CALML3: variants seen among roughly 807,000 people sequenced by gnomAD.
The protein encoded by CALML3 is calmodulin-like protein 3.
For synonymous variants in CALML3, 98 were observed against 89.9 expected, an observed-to-expected ratio of 1.09 and a Z score of -0.51; for missense variants, 198 against 214.1, an observed-to-expected ratio of 0.92 and a Z score of 0.47.
rs1274355132 is a variant in CALML3, at chr10:5,525,538, C to T, written c.*3C>T. ...TCCGTGTGCTGGTGTCCAAGTGAGG[C>T]CGGCGCCCACCATGCTCCTGGGCGC... On this transcript the variant is annotated 3_prime_UTR_variant, in exon 1 of 1. Transcript: ENST00000315238. 2 of 1,579,038 alleles carry T rather than the reference C, an allele frequency of 1.3e-6. No individual in the cohort carries two copies. Among genetic ancestry groups the T allele is most frequent in the Non-Finnish European group, 1.7e-6 (2 of 1,159,248 alleles).
In CALML3 at chr10:5,525,280, CTTCCCCGAG is replaced by C; in HGVS notation, c.200_208del (p.Pro67_Phe69del). The C allele has an allele frequency of 6.2e-7, 1 of 1,614,016 alleles. No homozygotes were observed. Among genetic ancestry groups the C allele is most frequent in the African/African-American group, 1.3e-5 (1 of 75,048 alleles). On this transcript the variant is annotated inframe_deletion, in exon 1 of 1. Transcript: ENST00000315238. ...ACCGGGACGGCAACGGCACCGTGGA[CTTCCCCGAG>C]TTCCTGGGCATGATGGCCAGGAAGA...
rs1397177444 is a variant in CALML3 at position 5,525,045 on chromosome 10, C to G, written c.-41C>G. The G allele has an allele frequency of 4.9e-6, 7 of 1,440,324 alleles. No individual in the cohort carries two copies. The highest frequency in any genetic ancestry group is 6.7e-6 in the Non-Finnish European group (7 of 1,044,934). 89.2% of individuals were successfully genotyped at this position (1,440,324 alleles called of 1,614,324 possible). A position where few individuals can be genotyped will look rare whatever the true frequency, so the allele number is the denominator to read the frequency against. On this transcript the variant is annotated 5_prime_UTR_variant, in exon 1 of 1. Coordinates refer to ENST00000315238, the MANE Select transcript of CALML3 (RefSeq NM_005185.4). ...GGGCTGCGGCACTGGGAGGGAGACC[C>G]CACAGTGGCCTCTTCTGCCACCCAC...
chr10:5,525,397 C>A lies in CALML3; in HGVS notation c.312C>A (p.Ala104=). 1 of 1,613,876 alleles carries A rather than the reference C, an allele frequency of 6.2e-7. No individual in the cohort carries two copies. The highest frequency in any genetic ancestry group is 8.5e-7 in the Non-Finnish European group (1 of 1,179,992). Residue 104 remains alanine, a synonymous_variant, in exon 1 of 1, where the codon GCC becomes GCA. Coordinates refer to ENST00000315238, the MANE Select transcript of CALML3 (RefSeq NM_005185.4). ...DKDGNGFVSA[A]ELRHVMTRLG... is the part of the protein sequence containing the mutation. ...ACGGCAACGGCTTCGTCAGCGCCGC[C>A]GAGCTGCGACACGTCATGACCCGGC...
chr10:5,525,319 G>C lies in CALML3; in HGVS notation c.234G>C (p.Lys78Asn), dbSNP rs757569842. Residue 78 changes from lysine (K) to asparagine (N), a missense_variant, in exon 1 of 1, where the codon AAG (lysine) becomes AAC (asparagine). Physicochemically the swap from Lys to Asn is moderately conservative, Grantham distance 94. Coordinates refer to ENST00000315238, the MANE Select transcript of CALML3 (RefSeq NM_005185.4). ...EFLGMMARKMKDTDNEEEIRE... is the reference protein window; with the variant it reads ...EFLGMMARKMNDTDNEEEIRE... The stretch of plus-strand genomic sequence containing the variant: ...TGGGCATGATGGCCAGGAAGATGAA[G>C]GACACGGACAACGAGGAGGAGATCC... 1 of 1,613,942 alleles carries C rather than the reference G, an allele frequency of 6.2e-7. No individual in the cohort carries two copies. The highest frequency in any genetic ancestry group is 8.5e-7 in the Non-Finnish European group (1 of 1,180,004).
Position 5,524,974 on chromosome 10 carries a change from G to C in CALML3, c.-112G>C. 1 of 758,108 alleles carries C rather than the reference G, an allele frequency of 1.3e-6. No homozygotes were observed. Among genetic ancestry groups the C allele is most frequent in the Non-Finnish European group, 2.1e-6 (1 of 474,310 alleles). The allele number at this position is 758,108 out of a possible 1,614,324, so 47.0% of individuals were successfully genotyped here. The stretch of plus-strand genomic sequence containing the variant: ...TCAAGCCAGGGCGAGACAGCCCGCC[G>C]GCCGCCCGGATCTCCACCTGCCACC... On this transcript the variant is annotated 5_prime_UTR_variant, in exon 1 of 1. Transcript: ENST00000315238.
rs1217042745 is a variant in CALML3 at position 5,525,430 on chromosome 10, G to C, written c.345G>C (p.Glu115Asp). 2.5e-5 allele frequency: 41 copies of C among 1,613,860 alleles called. No homozygotes were observed. Among genetic ancestry groups the C allele is most frequent in the Non-Finnish European group, 3.2e-5 (38 of 1,180,006 alleles). Reference protein sequence around the residue: ...ELRHVMTRLGEKLSDEEVDEM... With the variant: ...ELRHVMTRLGDKLSDEEVDEM... ...GACACGTCATGACCCGGCTGGGGGA[G>C]AAGCTGAGTGACGAGGAGGTGGACG... The change falls in exon 1 of 1, where the codon GAG (glutamate) becomes GAC (aspartate). Residue 115 changes from glutamate (E) to aspartate (D), a missense_variant. Physicochemically the swap from Glu to Asp is conservative, Grantham distance 45 (BLOSUM62 2). Transcript: ENST00000315238.
chr10:5,524,981 C>A lies in CALML3; in HGVS notation c.-105C>A. 2 of 834,928 alleles carry A rather than the reference C, an allele frequency of 2.4e-6. No homozygotes were observed. Among genetic ancestry groups the A allele is most frequent in the South Asian group, 3.4e-5 (2 of 58,080 alleles). 51.7% of individuals were successfully genotyped at this position (834,928 alleles called of 1,614,324 possible). A position where few individuals can be genotyped will look rare whatever the true frequency, so the allele number is the denominator to read the frequency against. ...AGGGCGAGACAGCCCGCCGGCCGCC[C>A]GGATCTCCACCTGCCACCCCAGAGC... On this transcript the variant is annotated 5_prime_UTR_variant, in exon 1 of 1. Coordinates refer to ENST00000315238, the MANE Select transcript of CALML3 (RefSeq NM_005185.4).
In CALML3 at chr10:5,525,091, C is replaced by G; in HGVS notation, c.6C>G (p.Ala2=). M[A]DQLTEEQVTE... ...CCCACGCCCCCACCCCTGGCATGGC[C>G]GACCAGCTGACTGAGGAGCAGGTCA... The change falls in exon 1 of 1, where the codon GCC becomes GCG. Residue 2 remains alanine, a synonymous_variant. Coordinates refer to ENST00000315238, the MANE Select transcript of CALML3 (RefSeq NM_005185.4). 6.3e-7 allele frequency: 1 copy of G among 1,597,684 alleles called. No individual in the cohort carries two copies. Among genetic ancestry groups the G allele is most frequent in the South Asian group, 1.1e-5 (1 of 89,450 alleles).
At position 5,525,182 on chromosome 10, in the gene CALML3, C is replaced by G. The variant is rs1315182835; in HGVS notation, c.97C>G (p.Leu33Val). ...DGDGCITTRE[L>V]GTVMRSLGQN... ...GGACGGCTGCATCACCACCCGCGAG[C>G]TGGGCACGGTCATGCGGTCCCTGGG... is the stretch of plus-strand genomic sequence containing the variant. Residue 33 changes from leucine (L) to valine (V), a missense_variant, in exon 1 of 1, where the codon CTG (leucine) becomes GTG (valine). Leu to Val is a conservative substitution (Grantham distance 32). Coordinates refer to ENST00000315238, the MANE Select transcript of CALML3 (RefSeq NM_005185.4). 2.5e-6 allele frequency: 4 copies of G among 1,613,802 alleles called. No homozygotes were observed. Among genetic ancestry groups the G allele is most frequent in the East Asian group, 2.2e-5 (1 of 44,878 alleles).
chr10:5,526,093 C>CG lies in CALML3; in HGVS notation c.*559dup. The CG allele has an allele frequency of 5.9e-6, 1 of 169,954 alleles. No homozygotes were observed. The allele number at this position is 169,954 out of a possible 1,614,324, so 10.5% of individuals were successfully genotyped here. ...CTCCTGAAAACAGCACTGCCTTCCG[C>CG]GCTGCCCCAGCTTGCCCCATTCCTT... is the stretch of plus-strand genomic sequence containing the variant. On this transcript the variant is annotated 3_prime_UTR_variant, in exon 1 of 1. Coordinates refer to ENST00000315238, the MANE Select transcript of CALML3 (RefSeq NM_005185.4).
In CALML3 at chr10:5,525,589, C is replaced by T. The variant is rs185046336; in HGVS notation, c.*54C>T. 4.0e-5 allele frequency: 59 copies of T among 1,493,076 alleles called. No homozygotes were observed. The African/African-American group carries it at 6.3e-4, about 16-fold the overall frequency. 92.5% of individuals were successfully genotyped at this position (1,493,076 alleles called of 1,614,324 possible). A position where few individuals can be genotyped will look rare whatever the true frequency, so the allele number is the denominator to read the frequency against. On this transcript the variant is annotated 3_prime_UTR_variant, in exon 1 of 1. Coordinates refer to ENST00000315238, the MANE Select transcript of CALML3 (RefSeq NM_005185.4). ...CCACGCGGCCCACAGGGCAAGAACC[C>T]GGGGCCTCCCGCCTCCTCCCCCATC...
At position 5,525,402 on chromosome 10, in the gene CALML3, T is replaced by G. The variant is rs889815716; in HGVS notation, c.317T>G (p.Leu106Arg). ...AACGGCTTCGTCAGCGCCGCCGAGC[T>G]GCGACACGTCATGACCCGGCTGGGG... is the stretch of plus-strand genomic sequence containing the variant. ...DGNGFVSAAE[L>R]RHVMTRLGEK... Residue 106 changes from leucine (L) to arginine (R), a missense_variant, in exon 1 of 1, where the codon CTG (leucine) becomes CGG (arginine). By Grantham distance (102) the Leu-to-Arg change is moderately radical. Transcript: ENST00000315238. The G allele has an allele frequency of 1.2e-6, 2 of 1,613,732 alleles. No individual in the cohort carries two copies. The highest frequency in any genetic ancestry group is 8.5e-7 in the Non-Finnish European group (1 of 1,179,986).
At position 5,525,085 on chromosome 10, in the gene CALML3, C is replaced by T; in HGVS notation, c.-1C>T. On this transcript the variant is annotated 5_prime_UTR_variant, in exon 1 of 1. Transcript: ENST00000315238. ...CTGCCACCCACGCCCCCACCCCTGG[C>T]ATGGCCGACCAGCTGACTGAGGAGC... 2 of 1,593,142 alleles carry T rather than the reference C, an allele frequency of 1.3e-6. No individual in the cohort carries two copies. The highest frequency in any genetic ancestry group is 2.3e-5 in the South Asian group (2 of 88,638).
At position 5,525,280 on chromosome 10, in the gene CALML3, C is replaced by A. The variant is rs760697738; in HGVS notation, c.195C>A (p.Asp65Glu). 1 of 1,614,016 alleles carries A rather than the reference C, an allele frequency of 6.2e-7. No homozygotes were observed. Among genetic ancestry groups the A allele is most frequent in the South Asian group, 1.1e-5 (1 of 91,076 alleles). The change falls in exon 1 of 1, where the codon GAC becomes GAA. Residue 65 changes from aspartate to glutamate, a missense_variant. Coordinates refer to ENST00000315238, the MANE Select transcript of CALML3 (RefSeq NM_005185.4). Reference sequence around the variant, plus strand: ...ACCGGGACGGCAACGGCACCGTGGACTTCCCCGAGTTCCTGGGCATGATGG... The same window carrying A: ...ACCGGGACGGCAACGGCACCGTGGAATTCCCCGAGTTCCTGGGCATGATGG... ...EIDRDGNGTV[D>E]FPEFLGMMAR... is the part of the protein sequence containing the mutation.
In CALML3 at chr10:5,525,820, C is replaced by T; in HGVS notation, c.*285C>T. On this transcript the variant is annotated 3_prime_UTR_variant, in exon 1 of 1. Coordinates refer to ENST00000315238, the MANE Select transcript of CALML3 (RefSeq NM_005185.4). ...GCAGAGCTGACCTTAGGACCGAGCA[C>T]CAGGGCAGGTTGCGCTGACTCTGCG... 1 of 1,297,692 alleles carries T rather than the reference C, an allele frequency of 7.7e-7. No individual in the cohort carries two copies. Among genetic ancestry groups the T allele is most frequent in the South Asian group, 2.1e-5 (1 of 47,002 alleles). 80.4% of individuals were successfully genotyped at this position (1,297,692 alleles called of 1,614,324 possible). A position where few individuals can be genotyped will look rare whatever the true frequency, so the allele number is the denominator to read the frequency against.
At position 5,525,256 on chromosome 10, in the gene CALML3, CCGGGA is replaced by C; in HGVS notation, c.175_179del (p.Asp59GlnfsTer59). 1 of 1,613,920 alleles carries C rather than the reference CCGGGA, an allele frequency of 6.2e-7. No homozygotes were observed. The highest frequency in any genetic ancestry group is 1.1e-5 in the South Asian group (1 of 91,080). On this transcript the variant is annotated frameshift_variant, in exon 1 of 1. Transcript: ENST00000315238. LOFTEE classifies it low-confidence loss of function (END_TRUNC). Reference sequence around the variant, plus strand: ...TGCGGGACATGATGAGTGAGATCGACCGGGACGGCAACGGCACCGTGGACTTCCCC... The same window carrying C: ...TGCGGGACATGATGAGTGAGATCGACCGGCAACGGCACCGTGGACTTCCCC...
At position 5,526,648 on chromosome 10, in the gene CALML3, G is replaced by A. The variant is rs1361811290; in HGVS notation, c.*1113G>A. ...CACAGTGTAAGAGCAATTCAGAGCCGTTAGTCCTGCACTAGCCCTGCAAGC... is the reference window on the plus strand; with the variant it reads ...CACAGTGTAAGAGCAATTCAGAGCCATTAGTCCTGCACTAGCCCTGCAAGC... On this transcript the variant is annotated 3_prime_UTR_variant, in exon 1 of 1. Coordinates refer to ENST00000315238, the MANE Select transcript of CALML3 (RefSeq NM_005185.4). The A allele has an allele frequency of 1.8e-5, 3 of 167,134 alleles. No homozygotes were observed. The highest frequency in any genetic ancestry group is 2.4e-5 in the African/African-American group (1 of 41,452). The allele number at this position is 167,134 out of a possible 1,614,324, so 10.4% of individuals were successfully genotyped here.
Position 5,525,394 on chromosome 10 carries a change from C to G in CALML3, c.309C>G (p.Ala103=), listed in dbSNP as rs548144630. 1.2e-6 allele frequency: 2 copies of G among 1,613,602 alleles called. No individual in the cohort carries two copies. The highest frequency in any genetic ancestry group is 4.5e-5 in the East Asian group (2 of 44,878). Residue 103 remains alanine, a synonymous_variant, in exon 1 of 1, where the codon GCC becomes GCG. Transcript: ENST00000315238. The part of the protein sequence containing the change: ...FDKDGNGFVS[A]AELRHVMTRL... ...AGGACGGCAACGGCTTCGTCAGCGC[C>G]GCCGAGCTGCGACACGTCATGACCC...
At position 5,525,421 on chromosome 10, in the gene CALML3, G is replaced by A. The variant is rs770646333; in HGVS notation, c.336G>A (p.Arg112=). 1 of 1,613,982 alleles carries A rather than the reference G, an allele frequency of 6.2e-7. No homozygotes were observed. Among genetic ancestry groups the A allele is most frequent in the South Asian group, 1.1e-5 (1 of 91,074 alleles). Residue 112 remains arginine, a synonymous_variant, in exon 1 of 1, where the codon CGG becomes CGA. Coordinates refer to ENST00000315238, the MANE Select transcript of CALML3 (RefSeq NM_005185.4). ...SAAELRHVMT[R]LGEKLSDEEV... is the part of the protein sequence containing the mutation. ...CCGAGCTGCGACACGTCATGACCCG[G>A]CTGGGGGAGAAGCTGAGTGACGAGG...
Sources: allele counts gnomAD v4.1 joint callset, GRCh38; gene constraint gnomAD v4.1.1; transcripts MANE v1.5; gene names NCBI Gene and HGNC (gene_info 2026-07-23, HGNC 2026-07-21).